Variants in SECTM1 observed in about 807,000 individuals in gnomAD.
SECTM1 encodes the protein secreted and transmembrane 1.
In SECTM1, 10 loss-of-function variants were observed where a neutral mutation model predicts 18.1. That is an observed-to-expected ratio of 0.55 (90% CI 0.34 to 0.94). SECTM1 has a LOEUF of 0.94. Among genes scored for constraint, SECTM1 ranks in the 40% least tolerant of loss-of-function variants. The probability of loss-of-function intolerance (pLI) is 0.02; values close to 1 mark genes in which losing one functional copy is unlikely to be tolerated. For missense variants in SECTM1, 297 were observed against 322.6 expected, an observed-to-expected ratio of 0.92 and a Z score of 0.61; for synonymous variants, 137 against 139.2, an observed-to-expected ratio of 0.98 and a Z score of 0.11.
At chr17:82,323,430 G>T (rs2052115490) in intron 3 of SECTM1, 1 of 178,782 alleles carries the variant, frequency 5.6e-6, no homozygotes, top group South Asian at 1.3e-4. Context: ...AGATGCCCTG[G>T]GGGTGGAGAG....
intron 3 of SECTM1, 54 bp downstream of exon 3, chr17:82,324,514 CAGGCCCCCTCCCCT>C: frequency 1.3e-6 from 1 of 760,246 alleles, no homozygotes; most frequent in Non-Finnish European, 1.9e-6. Context: ...TCCCCCTGCC[CAGGCCCCCTCCCCT>C]CCCCGTGTCC....
rs1479734875 is a variant in SECTM1, at chr17:82,321,821, G to C, written c.*340C>G. 1 of 321,494 alleles carries C rather than the reference G, an allele frequency of 3.1e-6. No individual in the cohort carries two copies. The highest frequency in any genetic ancestry group is 4.7e-5 in the Admixed American group (1 of 21,228). The allele number at this position is 321,494 out of a possible 1,614,324, so 19.9% of individuals were successfully genotyped here. ...GGGCGCGGAGCCCTGGGAGTGGAGA[G>C]AGCGGACCCCACACCTGGGGCCGGA... On this transcript the variant is annotated 3_prime_UTR_variant, in exon 5 of 5. Coordinates refer to ENST00000269389, the MANE Select transcript of SECTM1 (RefSeq NM_003004.3).
intron 1 of SECTM1, among the ~76,000 whole-genome samples, chr17:82,327,935 C>T (rs1171596852): frequency 1.6e-5 from 2 of 122,380 alleles, no homozygotes; most frequent in South Asian, 2.6e-4. Context: ...GCCCCCCCAG[C>T]CCGTCCACCA....
Position 82,324,594 on chromosome 17 carries a change from G to T in SECTM1, c.391C>A (p.Leu131Met), listed in dbSNP as rs760135521. 1 of 1,336,018 alleles carries T rather than the reference G, an allele frequency of 7.5e-7. No individual in the cohort carries two copies. The highest frequency in any genetic ancestry group is 9.9e-7 in the Non-Finnish European group (1 of 1,009,656). 82.8% of individuals were successfully genotyped at this position (1,336,018 alleles called of 1,614,324 possible). ...GHQRNNRQVTLEVSGAEPQSA... is the reference protein window; with the variant it reads ...GHQRNNRQVTMEVSGAEPQSA... ...AGCCTCCCCTCACCTGAAACCTCCA[G>T]CGTGACTTGTCTGTTATTTCTCTGG... The change falls in exon 3 of 5, where the codon CTG becomes ATG. Residue 131 changes from leucine (L) to methionine (M), a missense_variant. By Grantham distance (15) the Leu-to-Met change is conservative. Transcript: ENST00000269389.
At position 82,330,912 on chromosome 17, in the gene SECTM1, G is replaced by A. The variant is rs546785349; in HGVS notation, c.-53+2788C>T. Among the ~76,000 whole-genome samples the A allele has an allele frequency of 6.6e-6, 1 of 152,282 alleles. No homozygotes were observed. The highest frequency in any genetic ancestry group is 1.9e-4 in the East Asian group (1 of 5,182). ...CTGGCGGCCTGGACTGCACCGTTCCGGAGATGCTGCCTCCCCACCAAGTCC... is the reference window on the plus strand; with the variant it reads ...CTGGCGGCCTGGACTGCACCGTTCCAGAGATGCTGCCTCCCCACCAAGTCC... On this transcript the variant is annotated intron_variant, in intron 1 of 4. Transcript: ENST00000269389. The surrounding 1 kb of genome is among the most constrained non-coding windows in gnomAD (Gnocchi z 6.1).
Position 82,322,309 on chromosome 17 carries a change from T to G in SECTM1, c.599A>C (p.Gln200Pro), listed in dbSNP as rs774197147. 3 of 1,613,274 alleles carry G rather than the reference T, an allele frequency of 1.9e-6. No individual in the cohort carries two copies. Among genetic ancestry groups the G allele is most frequent in the African/African-American group, 2.7e-5 (2 of 74,908 alleles). ...TTCAGCGGAGGCTCTGCTCAGGCCC[T>G]GCTGGGCTCCCGCTCTGAGGGCTGC... ...KVAALRAGAQ[Q>P]GLSRASAELW... The change falls in exon 5 of 5, where the codon CAG becomes CCG. Residue 200 changes from glutamine to proline, a missense_variant. Transcript: ENST00000269389.
chr17:82,327,350 G>A, intron 1 of SECTM1, 58 bp from the exon 2 acceptor site: 1 of 1,008,396 alleles, frequency 9.9e-7, no homozygotes, highest in Non-Finnish European at 1.5e-6. Flanking sequence ...GGGGACAGCG[G>A]GAGCGGCTGT....
intron 1 of SECTM1, among the ~76,000 whole-genome samples, chr17:82,332,403 G>A (rs560941522): frequency 1.3e-5 from 2 of 152,260 alleles, no homozygotes; most frequent in South Asian, 2.1e-4. Context: ...TGCCTGTCCC[G>A]GCTCCCATGG....
intron 1 of SECTM1, among the ~76,000 whole-genome samples, chr17:82,332,293 C>T (rs2052197865): frequency 6.6e-6 from 1 of 152,234 alleles, no homozygotes; most frequent in Admixed American, 6.5e-5. Context: ...AGCGATGATG[C>T]GCAGGCTTGG....
rs528199416 is a variant in SECTM1, at chr17:82,331,276, G to T, written c.-53+2424C>A. Among the ~76,000 whole-genome samples the T allele has an allele frequency of 2.6e-5, 4 of 152,320 alleles. No individual in the cohort carries two copies. In the East Asian group the frequency reaches 7.7e-4, roughly 29 times the overall value. ...AAGGGCTCAGGGGGTAGGGAGCTGG[G>T]GGGAGACCGGGAGGAGAGCGGCAGG... On this transcript the variant is annotated intron_variant, in intron 1 of 4. Transcript: ENST00000269389.
At chr17:82,324,330 C>A (rs1173374411) in intron 3 of SECTM1, among the ~76,000 whole-genome samples, 1 of 152,018 alleles carries the variant, frequency 6.6e-6, no homozygotes, top group Non-Finnish European at 1.5e-5. Context: ...TCCCACCCCA[C>A]TGTGGGGTCT....
In SECTM1 at chr17:82,325,251, G is replaced by C. The variant is rs571479600; in HGVS notation, c.95-361C>G. On this transcript the variant is annotated intron_variant, in intron 2 of 4. Transcript: ENST00000269389. This position sits in a 1 kb window ranked among gnomAD's most constrained non-coding sequence, Gnocchi z 7.6. ...CAGGTGTGTGCCGGGCGGCTGCGCTGTGGCAGGAGTGCTGCCACTGACCTG... is the reference window on the plus strand; with the variant it reads ...CAGGTGTGTGCCGGGCGGCTGCGCTCTGGCAGGAGTGCTGCCACTGACCTG... 6.6e-6 allele frequency among the ~76,000 whole-genome samples: 1 copy of C among 152,320 alleles called. No homozygotes were observed. Among genetic ancestry groups the C allele is most frequent in the African/African-American group, 2.4e-5 (1 of 41,572 alleles).
rs1282547332 is a variant in SECTM1, at chr17:82,325,593, C to T, written c.95-703G>A. Among the ~76,000 whole-genome samples the T allele has an allele frequency of 3.9e-5, 6 of 152,214 alleles. No homozygotes were observed. Among genetic ancestry groups the T allele is most frequent in the African/African-American group, 9.6e-5 (4 of 41,460 alleles). ...AGGTCAAGTCCTTGACACAAGCCGG[C>T]GTGTCAGTCTCTCTCTCCCGCCTCC... is the stretch of plus-strand genomic sequence containing the variant. On this transcript the variant is annotated intron_variant, in intron 2 of 4. Transcript: ENST00000269389. This position sits in a 1 kb window ranked among gnomAD's most constrained non-coding sequence, Gnocchi z 7.6.
rs1300017788 is a variant in SECTM1 at position 82,328,319 on chromosome 17, C to CCT, written c.-52-1029_-52-1028dup. The CCT allele has an allele frequency of 6.6e-6, 1 of 152,288 alleles. No individual in the cohort carries two copies. Among genetic ancestry groups the CCT allele is most frequent in the Non-Finnish European group, 1.5e-5 (1 of 68,090 alleles). 9.4% of individuals were successfully genotyped at this position (152,288 alleles called of 1,614,324 possible). On this transcript the variant is annotated intron_variant, in intron 1 of 4. Coordinates refer to ENST00000269389, the MANE Select transcript of SECTM1 (RefSeq NM_003004.3). This position sits in a 1 kb window ranked among gnomAD's most constrained non-coding sequence, Gnocchi z 5.8. ...GGAGGGCCCCACAGGCAGTGATGAG[C>CCT]CTCTCACAGGCCCCAGCGAGGTCGC...
chr17:82,327,394 G>A (rs2052156105), intron 1 of SECTM1, 102 bp from the exon 2 acceptor site: 5 of 669,328 alleles, frequency 7.5e-6, no homozygotes, highest in African/African-American at 1.9e-5. Context: ...GGGGGTCCCC[G>A]AGCTCTTCCC....
chr17:82,323,234 G>A (rs1175140122), intron 3 of SECTM1: 3 of 561,694 alleles, frequency 5.3e-6, no homozygotes, highest in Admixed American at 3.2e-5. Context: ...CAGGTGTGTC[G>A]GGGCAGCGAG....
At position 82,322,882 on chromosome 17, in the gene SECTM1, C is replaced by G. The variant is rs771050119; in HGVS notation, c.533G>C (p.Arg178Pro). The G allele has an allele frequency of 6.2e-7, 1 of 1,613,646 alleles. No individual in the cohort carries two copies. The highest frequency in any genetic ancestry group is 1.3e-5 in the African/African-American group (1 of 75,026). The change falls in exon 4 of 5, where the codon CGG becomes CCG. Residue 178 changes from arginine (R) to proline (P), a missense_variant. Coordinates refer to ENST00000269389, the MANE Select transcript of SECTM1 (RefSeq NM_003004.3). ...CTGGGGTGCAGGGCCTCCTACCTCC[C>G]GGCGTTGCTGGGAACAGCGGCACCT... ...WYRCRCSQQR[R>P]EKKFFLLEPQ...
At position 82,328,754 on chromosome 17, in the gene SECTM1, T is replaced by G. The variant is rs915338420; in HGVS notation, c.-52-1462A>C. Reference sequence around the variant, plus strand: ...AGCAGGAGCCCTGGCAGGACACGCCTTTCAGCCGAGAGAACTCCACCTTCG... The same window carrying G: ...AGCAGGAGCCCTGGCAGGACACGCCGTTCAGCCGAGAGAACTCCACCTTCG... On this transcript the variant is annotated intron_variant, in intron 1 of 4. Coordinates refer to ENST00000269389, the MANE Select transcript of SECTM1 (RefSeq NM_003004.3). The surrounding 1 kb of genome is among the most constrained non-coding windows in gnomAD (Gnocchi z 5.8). 1.3e-5 allele frequency among the ~76,000 whole-genome samples: 2 copies of G among 152,250 alleles called. No individual in the cohort carries two copies. Among genetic ancestry groups the G allele is most frequent in the African/African-American group, 4.8e-5 (2 of 41,558 alleles).
chr17:82,325,173 C>T lies in SECTM1; in HGVS notation c.95-283G>A, dbSNP rs377346060. On this transcript the variant is annotated intron_variant, in intron 2 of 4. Coordinates refer to ENST00000269389, the MANE Select transcript of SECTM1 (RefSeq NM_003004.3). This position sits in a 1 kb window ranked among gnomAD's most constrained non-coding sequence, Gnocchi z 7.6. ...GTGTCAGCTTGGACGAAGGCATTTC[C>T]TATCAACTCCCTCCCCTGTATATTT... 6.6e-6 allele frequency among the ~76,000 whole-genome samples: 1 copy of T among 152,180 alleles called. No individual in the cohort carries two copies. Among genetic ancestry groups the T allele is most frequent in the South Asian group, 2.1e-4 (1 of 4,828 alleles).
Sources: allele counts gnomAD v4.1 joint callset (sites outside exome capture counted in the v4.1 genomes callset), GRCh38; gene constraint gnomAD v4.1.1; non-coding constraint Gnocchi (gnomAD v3.1); transcripts MANE v1.5; gene names NCBI Gene and HGNC (gene_info 2026-07-23, HGNC 2026-07-21).